Variants in PLAC1 observed in about 807,000 individuals in gnomAD.
The protein encoded by PLAC1 is placenta-specific protein 1.
For missense variants in PLAC1, 136 were observed against 163.2 expected (o/e 0.83, Z 0.91); for synonymous variants, 68 against 62.1 (o/e 1.09, Z -0.44).
At chrX:134,651,964 G>A (rs771576800) in intron 1 of PLAC1, among the ~76,000 whole-genome samples, 1 of 111,686 alleles carries the variant, frequency 9.0e-6, no homozygotes, top group Non-Finnish European at 1.9e-5. Flanking sequence ...TCTACGGGGG[G>A]AGGAGGGTAT....
At position 134,633,558 on chromosome X, in the gene PLAC1, C is replaced by T. The variant is rs780897292; in HGVS notation, c.-131+24770G>A. Among the ~76,000 whole-genome samples, 4 of 111,829 alleles carry T rather than the reference C, an allele frequency of 3.6e-5. No individual in the cohort carries two copies. In the South Asian group the frequency reaches 1.1e-3, roughly 31 times the overall value. ...GGGCTAATTTGTACAGCTGCTTTTT[C>T]GTTTGATTTCTTCCAAGAAAGCAAG... On this transcript the variant is annotated intron_variant, in intron 1 of 2. Transcript: ENST00000359237.
intron 2 of PLAC1, among the ~76,000 whole-genome samples, chrX:134,723,873 T>C (rs1263591274): frequency 9.0e-6 from 1 of 111,226 alleles, no homozygotes; most frequent in Non-Finnish European, 1.9e-5. Flanking sequence ...TAAAATTGCA[T>C]GATGAAAGCG....
At chrX:134,734,704 A>G (rs1274181606) in intron 1 of PLAC1, among the ~76,000 whole-genome samples, 2 of 111,490 alleles carry the variant, frequency 1.8e-5, no homozygotes, top group African/African-American at 6.5e-5. Flanking sequence ...TCATCAAAAT[A>G]TATTCACAAA....
chrX:134,694,424 T>C (rs1240111097), intron 2 of PLAC1, among the ~76,000 whole-genome samples: 1 of 111,778 alleles, frequency 8.9e-6, no homozygotes, highest in Non-Finnish European at 1.9e-5. Context: ...TTCCCATCCC[T>C]AGCTGGATCA....
intron 2 of PLAC1, among the ~76,000 whole-genome samples, chrX:134,592,712 C>G (rs1469813449): frequency 2.0e-5 from 2 of 98,830 alleles, no homozygotes; most frequent in Non-Finnish European, 4.0e-5. Flanking sequence ...ATCTCTCTCT[C>G]TGTGTCTCTT....
chrX:134,597,138 A>G (rs1443882122), intron 2 of PLAC1, among the ~76,000 whole-genome samples: 1 of 111,315 alleles, frequency 9.0e-6, no homozygotes. Flanking sequence ...CATGAATGTT[A>G]TATCTTTTGT....
chrX:134,686,038 A>T (rs1364270506), intron 2 of PLAC1, among the ~76,000 whole-genome samples: 3 of 111,574 alleles, frequency 2.7e-5, no homozygotes, highest in Non-Finnish European at 5.6e-5. Context: ...ATGAAGGAAT[A>T]CTTTAGAACC....
chrX:134,586,214 C>T (rs1352569924), intron 2 of PLAC1, among the ~76,000 whole-genome samples: 1 of 111,649 alleles, frequency 9.0e-6, no homozygotes, highest in Non-Finnish European at 1.9e-5. Context: ...CACCGCCTGC[C>T]CTGCTTTTGA....
intron 2 of PLAC1, among the ~76,000 whole-genome samples, chrX:134,586,508 T>C (rs1464171270): frequency 1.8e-5 from 2 of 110,878 alleles, no homozygotes; most frequent in African/African-American, 6.6e-5. Context: ...CGAGGGGCCG[T>C]GAAGCCACCT....
chrX:134,598,209 G>A lies in PLAC1; in HGVS notation c.-59+3842C>T, dbSNP rs139375559. Among the ~76,000 whole-genome samples the A allele has an allele frequency of 3.4e-3, 383 of 111,961 alleles. 3 individuals are homozygous for A. The highest frequency in any genetic ancestry group is 0.012 in the African/African-American group (367 of 30,860). ...GTGTTAAAAACTCACATTTTAATAC[G>A]TTGTCTTTGTTGAATGAGTGGATCA... is the stretch of plus-strand genomic sequence containing the variant. On this transcript the variant is annotated intron_variant, in intron 2 of 2. Coordinates refer to ENST00000359237, the MANE Select transcript of PLAC1 (RefSeq NM_021796.4).
chrX:134,712,387 C>T (rs1235754639), intron 2 of PLAC1, among the ~76,000 whole-genome samples: 4 of 110,832 alleles, frequency 3.6e-5, no homozygotes, highest in East Asian at 2.8e-4. Flanking sequence ...AATGTGGTCC[C>T]GGCACAATCA....
At chrX:134,642,539 T>C (rs1301045711) in intron 1 of PLAC1, among the ~76,000 whole-genome samples, 1 of 110,960 alleles carries the variant, frequency 9.0e-6, no homozygotes, top group African/African-American at 3.3e-5. Context: ...AATTATAACA[T>C]GGAATGATGA....
intron 2 of PLAC1, among the ~76,000 whole-genome samples, chrX:134,718,879 C>T (rs767849924): frequency 5.4e-5 from 6 of 112,001 alleles, no homozygotes; most frequent in Non-Finnish European, 9.4e-5. Flanking sequence ...CCCTTTCTTG[C>T]CAAATGCAGG....
intron 2 of PLAC1, among the ~76,000 whole-genome samples, chrX:134,585,800 A>G (rs894711402): frequency 1.8e-5 from 2 of 110,954 alleles, no homozygotes; most frequent in Non-Finnish European, 3.8e-5. Context: ...CCCTGGGTTG[A>G]ATTCTCCCTC....
chrX:134,641,910 G>A (rs1414137322), intron 1 of PLAC1, among the ~76,000 whole-genome samples: 1 of 112,345 alleles, frequency 8.9e-6, no homozygotes, highest in Admixed American at 9.4e-5. Flanking sequence ...CAAATAAGGG[G>A]AGGGAATTGA....
chrX:134,742,604 A>G (rs1291696351), intron 1 of PLAC1, among the ~76,000 whole-genome samples: 8 of 111,157 alleles, frequency 7.2e-5, no homozygotes, highest in African/African-American at 2.6e-4. Context: ...AAAAAGAAAG[A>G]AAGAAAAGAA....
chrX:134,692,640 T>C (rs1396514904), intron 2 of PLAC1, among the ~76,000 whole-genome samples: 1 of 112,287 alleles, frequency 8.9e-6, no homozygotes, highest in Non-Finnish European at 1.9e-5. Flanking sequence ...ACTCATCCTG[T>C]CTAAGGGACA....
chrX:134,706,427 C>T (rs942480483), intron 2 of PLAC1, among the ~76,000 whole-genome samples: 5 of 112,130 alleles, frequency 4.5e-5, no homozygotes, highest in Non-Finnish European at 9.4e-5. Flanking sequence ...CCTCCTCTTC[C>T]ACCACTGGAG....
At chrX:134,576,977 T>C (rs752405966) in intron 2 of PLAC1, among the ~76,000 whole-genome samples, 2 of 111,976 alleles carry the variant, frequency 1.8e-5, no homozygotes, top group Non-Finnish European at 3.8e-5. Flanking sequence ...ACAGCAGCCC[T>C]AGCAAACTAA....
Sources: allele counts gnomAD v4.1 joint callset (sites outside exome capture counted in the v4.1 genomes callset), GRCh38; gene constraint gnomAD v4.1.1; transcripts MANE v1.5; gene names NCBI Gene and HGNC (gene_info 2026-07-23, HGNC 2026-07-21).